Variants in CFAP263 observed in about 807,000 individuals in gnomAD.
CFAP263 encodes the protein cilia and flagella associated protein 263.
chr16:58,261,070 T>C, the CFAP263 span, among the ~76,000 whole-genome samples: 7 of 152,078 alleles, frequency 4.6e-5, no homozygotes, highest in African/African-American at 1.7e-4. Flanking sequence ...TGTCACAAGG[T>C]GAGCCCCACC....
chr16:58,250,764 CAAAAAAA>C, the CFAP263 span, among the ~76,000 whole-genome samples: 1 of 101,852 alleles, frequency 9.8e-6, no homozygotes, highest in Non-Finnish European at 2.0e-5. Context: ...GACTAAGTCT[CAAAAAAA>C]AAAAAAAAAA....
chr16:58,259,004 A>AATAAATAAATAAATAAATAAATAT, the CFAP263 span, among the ~76,000 whole-genome samples: 62 of 151,382 alleles, frequency 4.1e-4, no homozygotes, highest in Middle Eastern at 3.4e-3. Flanking sequence ...TAAATAAATA[A>AATAAATAAATAAATAAATAAATAT]ATAAATAAAT....
chr16:58,256,840 ATG>A, the CFAP263 span, among the ~76,000 whole-genome samples: 2 of 151,196 alleles, frequency 1.3e-5, no homozygotes, highest in East Asian at 2.0e-4. Flanking sequence ...TTATAGTAAT[ATG>A]TGTGTGTGTG....
the CFAP263 span, among the ~76,000 whole-genome samples, chr16:58,259,564 A>C: frequency 6.6e-6 from 1 of 152,252 alleles, no homozygotes; most frequent in Non-Finnish European, 1.5e-5. Flanking sequence ...AGACCAAAAA[A>C]TCGTAAGATC....
the CFAP263 span, among the ~76,000 whole-genome samples, chr16:58,264,683 A>G: frequency 1.3e-5 from 2 of 152,266 alleles, no homozygotes; most frequent in East Asian, 3.9e-4. Flanking sequence ...TGCTTAGCCA[A>G]TATTGTCGAA....
At chr16:58,277,050 C>T in the CFAP263 span, among the ~76,000 whole-genome samples, 7 of 152,062 alleles carry the variant, frequency 4.6e-5, no homozygotes, top group African/African-American at 1.4e-4. Context: ...GAGCTTGCCA[C>T]AGTGTACCAT....
At chr16:58,253,302 G>C in the CFAP263 span, among the ~76,000 whole-genome samples, 3 of 152,060 alleles carry the variant, frequency 2.0e-5, no homozygotes, top group African/African-American at 4.8e-5. Flanking sequence ...GATTGCTTGA[G>C]CCCAGGAGTT....
the CFAP263 span, chr16:58,278,772 CTAT>C: frequency 1.3e-6 from 1 of 775,196 alleles, no homozygotes; most frequent in Non-Finnish European, 2.0e-6. Context: ...GTTGCTTTAA[CTAT>C]TAAACCAAGA....
the CFAP263 span, among the ~76,000 whole-genome samples, chr16:58,267,066 G>A: frequency 2.0e-5 from 3 of 152,340 alleles, no homozygotes; most frequent in African/African-American, 7.2e-5. Flanking sequence ...ATCCACATGA[G>A]ATAGTCATGG....
At chr16:58,278,347 C>A in the CFAP263 span, 1 of 809,694 alleles carries the variant, frequency 1.2e-6, no homozygotes, top group Non-Finnish European at 1.9e-6. Flanking sequence ...TCCCACCCCT[C>A]CCCAACCTCT....
chr16:58,266,401 ATATATTTTTTTTTTTTT>A, the CFAP263 span, among the ~76,000 whole-genome samples: 1 of 41,828 alleles, frequency 2.4e-5, no homozygotes, highest in Non-Finnish European at 4.0e-5. Flanking sequence ...ATATATATAT[ATATATTTTTTTTTTTTT>A]TTTTTTTTTT....
At chr16:58,273,667 C>T in the CFAP263 span, among the ~76,000 whole-genome samples, 1 of 152,220 alleles carries the variant, frequency 6.6e-6, no homozygotes, top group Non-Finnish European at 1.5e-5. Context: ...AGTCCACCAT[C>T]TGCTGTCCCT....
chr16:58,269,962 A>G, the CFAP263 span, among the ~76,000 whole-genome samples: 6 of 152,350 alleles, frequency 3.9e-5, no homozygotes, highest in South Asian at 6.2e-4. Context: ...TATTCCCACA[A>G]TGTATGAGAG....
the CFAP263 span, chr16:58,258,249 A>T: frequency 1.2e-6 from 1 of 803,174 alleles, no homozygotes; most frequent in Non-Finnish European, 2.0e-6. Flanking sequence ...TGTTCCTAAG[A>T]CTAAGAAGAA....
the CFAP263 span, among the ~76,000 whole-genome samples, chr16:58,276,703 ATAGT>A: frequency 9.8e-4 from 149 of 152,376 alleles, no homozygotes; most frequent in African/African-American, 3.4e-3. Context: ...GTATACCCAG[ATAGT>A]TAGTAATTGC....
the CFAP263 span, among the ~76,000 whole-genome samples, chr16:58,252,202 C>T: frequency 6.6e-6 from 1 of 151,434 alleles, no homozygotes; most frequent in East Asian, 1.9e-4. Context: ...GATACCACCT[C>T]TACAAAAAAA....
the CFAP263 span, among the ~76,000 whole-genome samples, chr16:58,269,386 G>GAAAGA: frequency 1.9e-5 from 1 of 52,682 alleles, no homozygotes; most frequent in African/African-American, 1.0e-4. Flanking sequence ...AAGAAGAAAG[G>GAAAGA]AAGGAAAGAG....
chr16:58,269,873 G>A, the CFAP263 span, among the ~76,000 whole-genome samples: 3 of 152,292 alleles, frequency 2.0e-5, no homozygotes, highest in African/African-American at 7.2e-5. Context: ...AAGTGGAATT[G>A]TGGGTTATAC....
the CFAP263 span, chr16:58,279,867 G>C: frequency 2.9e-6 from 3 of 1,047,880 alleles, no homozygotes; most frequent in South Asian, 2.9e-5. Context: ...ACTGTTCCCT[G>C]TCTGCCTGGT....
Sources: gnomAD v4.1 joint callset for allele counts (sites outside exome capture counted in the v4.1 genomes callset) on GRCh38, gnomAD v4.1.1 for gene constraint, MANE v1.5 for transcripts, NCBI Gene and HGNC (gene_info 2026-07-23, HGNC 2026-07-21) for gene names.